The following C11orf58 variants were observed in gnomAD, a reference collection of about 807,000 sequenced individuals.
The protein encoded by C11orf58 is chromosome 11 open reading frame 58.
Under a neutral mutation model 22.7 loss-of-function variants are expected in C11orf58, and 5 were observed. That is an observed-to-expected ratio of 0.22 (90% CI 0.12 to 0.46). The LOEUF is 0.46. Ranked by LOEUF, C11orf58 falls within the 20% of genes least tolerant of loss-of-function variation. C11orf58 has a pLI of 0.99. For missense variants in C11orf58, 151 were observed against 223.3 expected, an observed-to-expected ratio of 0.68 and a Z score of 2.06; for synonymous variants, 71 against 70.7, an observed-to-expected ratio of 1.00 and a Z score of -0.02.
chr11:16,748,640 G>A, intron 3 of C11orf58: 1 of 151,932 alleles, frequency 6.6e-6, no homozygotes, highest in East Asian at 1.9e-4. Context: ...AGCTGCTTGG[G>A]AGGCTGAGGC....
Position 16,755,266 on chromosome 11 carries a change from T to A in C11orf58, c.*162T>A. ...TTTCAAATGCCATGGGTTACACTTT[T>A]ATGGGCATGACTATAACCATTTTTG... On this transcript the variant is annotated 3_prime_UTR_variant, in exon 5 of 5. Transcript: ENST00000228136. 2 of 792,536 alleles carry A rather than the reference T, an allele frequency of 2.5e-6. No individual in the cohort carries two copies. Among genetic ancestry groups the A allele is most frequent in the East Asian group, 5.1e-5 (2 of 39,320 alleles). 49.1% of individuals were successfully genotyped at this position (792,536 alleles called of 1,614,324 possible).
At position 16,744,255 on chromosome 11, in the gene C11orf58, G is replaced by A. The variant is rs181600985; in HGVS notation, c.64-346G>A. On this transcript the variant is annotated intron_variant, in intron 1 of 4. Coordinates refer to ENST00000228136, the MANE Select transcript of C11orf58 (RefSeq NM_014267.6). ...ATAAATAGCATCAGCAATCATTTAA[G>A]AATTTGTTGAAATTCAAATCCTAGA... 15 of 205,718 alleles carry A rather than the reference G, an allele frequency of 7.3e-5. No homozygotes were observed. The East Asian group carries it at 1.9e-3, about 26-fold the overall frequency. The allele number at this position is 205,718 out of a possible 1,614,324, so 12.7% of individuals were successfully genotyped here. A position where few individuals can be genotyped will look rare whatever the true frequency, so the allele number is the denominator to read the frequency against.
chr11:16,751,049 CAG>C (rs1158419104), intron 3 of C11orf58: 1 of 152,212 alleles, frequency 6.6e-6, no homozygotes, highest in Non-Finnish European at 1.5e-5. Context: ...AAGATAGACA[CAG>C]AGCACACGTC....
intron 4 of C11orf58, among the ~76,000 whole-genome samples, chr11:16,753,125 A>C (rs1351155028): frequency 6.6e-6 from 1 of 152,028 alleles, no homozygotes; most frequent in African/African-American, 2.4e-5. Context: ...ATGCAGTCTC[A>C]CTGTCACCAG....
intron 4 of C11orf58, among the ~76,000 whole-genome samples, chr11:16,753,564 T>C (rs1848550320): frequency 6.6e-6 from 1 of 151,944 alleles, no homozygotes; most frequent in African/African-American, 2.4e-5. Flanking sequence ...GGTTTCACCA[T>C]GTTGCCCAGG....
intron 3 of C11orf58, chr11:16,750,338 C>T (rs1005693934): frequency 2.0e-5 from 3 of 152,158 alleles, no homozygotes; most frequent in African/African-American, 7.2e-5. Context: ...AAATCGTGAA[C>T]GCAAAGAACA....
intron 2 of C11orf58, among the ~76,000 whole-genome samples, chr11:16,745,811 A>G (rs1189289882): frequency 2.0e-5 from 3 of 152,256 alleles, no homozygotes; most frequent in Non-Finnish European, 4.4e-5. Flanking sequence ...TTTTCCTAAC[A>G]TTGTCCTAAC....
At chr11:16,740,063 C>T (rs543187136) in intron 1 of C11orf58, among the ~76,000 whole-genome samples, 87 of 152,278 alleles carry the variant, frequency 5.7e-4, no homozygotes, top group Non-Finnish European at 9.7e-4. Context: ...TTTATTCTTG[C>T]TCTCTGTTAT....
chr11:16,744,885 C>T (rs77167393), intron 2 of C11orf58, among the ~76,000 whole-genome samples: 10 of 152,100 alleles, frequency 6.6e-5, no homozygotes, highest in East Asian at 3.9e-4. Flanking sequence ...ATTCTCTGTC[C>T]GTATAGTTTG....
At chr11:16,739,114 A>G (rs753276325) in intron 1 of C11orf58, among the ~76,000 whole-genome samples, 3 of 152,086 alleles carry the variant, frequency 2.0e-5, no homozygotes, top group Non-Finnish European at 4.4e-5. Context: ...AGCTTAGTCA[A>G]GGGATTTCGT....
chr11:16,741,094 T>TA (rs10634210), intron 1 of C11orf58, among the ~76,000 whole-genome samples: 40,847 of 138,956 alleles, frequency 0.29, 6,560 homozygotes, highest in East Asian at 0.47. Flanking sequence ...AGACTCTGTT[T>TA]AAAAAAAAAA....
intron 2 of C11orf58, chr11:16,747,070 G>A (rs1292857230): frequency 1.3e-5 from 2 of 152,208 alleles, no homozygotes; most frequent in Non-Finnish European, 2.9e-5. Context: ...TTGGTCACAG[G>A]AAGAACCAGC....
chr11:16,755,745 A>G lies in C11orf58; in HGVS notation c.*641A>G, dbSNP rs1204109208. 2 of 152,642 alleles carry G rather than the reference A, an allele frequency of 1.3e-5. No individual in the cohort carries two copies. The highest frequency in any genetic ancestry group is 3.8e-4 in the East Asian group (2 of 5,200). The allele number at this position is 152,642 out of a possible 1,614,324, so 9.5% of individuals were successfully genotyped here. On this transcript the variant is annotated 3_prime_UTR_variant, in exon 5 of 5. Transcript: ENST00000228136. ...GATTGTATCGTATGTTAGATTTTTG[A>G]TAAAATTTGGCCAATTTTTACAGAA...
chr11:16,744,808 G>A, intron 2 of C11orf58, 124 bp downstream of exon 2: 1 of 890,190 alleles, frequency 1.1e-6, no homozygotes, highest in Non-Finnish European at 1.7e-6. Context: ...ATTTCTTTTG[G>A]CTTTGGGAAA....
intron 1 of C11orf58, among the ~76,000 whole-genome samples, chr11:16,742,871 C>T (rs1384177756): frequency 6.6e-6 from 1 of 152,070 alleles, no homozygotes; most frequent in Non-Finnish European, 1.5e-5. Flanking sequence ...TTCCAGGACC[C>T]ACCCACCTCT....
At position 16,756,408 on chromosome 11, in the gene C11orf58, TAC is replaced by T. The variant is rs1249498994; in HGVS notation, c.*1306_*1307del. On this transcript the variant is annotated 3_prime_UTR_variant, in exon 5 of 5. Transcript: ENST00000228136. ...CCTCAGCCTCCCAAGTAGTTGGGAC[TAC>T]AGTCATGTGCCACTACTCCTGGCTA... 1 of 151,704 alleles carries T rather than the reference TAC, an allele frequency of 6.6e-6. No individual in the cohort carries two copies. The highest frequency in any genetic ancestry group is 2.4e-5 in the African/African-American group (1 of 41,264). 9.4% of individuals were successfully genotyped at this position (151,704 alleles called of 1,614,324 possible).
chr11:16,745,274 AGAAGGTACAGTT>A (rs1848479008), intron 2 of C11orf58, among the ~76,000 whole-genome samples: 1 of 152,202 alleles, frequency 6.6e-6, no homozygotes, highest in Non-Finnish European at 1.5e-5. Context: ...TAACGTTAAT[AGAAGGTACAGTT>A]GACCCTTGAG....
rs6677 is a variant in C11orf58 at position 16,755,585 on chromosome 11, T to G, written c.*481T>G. On this transcript the variant is annotated 3_prime_UTR_variant, in exon 5 of 5. Transcript: ENST00000228136. ...TTGGCAAAAGATTGGGTACTTAGTT[T>G]CCTGTTACTGAGTTAGCTCTACTCT... 47,753 of 153,662 alleles carry G rather than the reference T, an allele frequency of 0.31. 8,930 individuals carry two copies. The highest frequency in any genetic ancestry group is 0.42 in the Non-Finnish European group (28,849 of 68,986). 9.5% of individuals were successfully genotyped at this position (153,662 alleles called of 1,614,324 possible).
At chr11:16,753,735 CCTTT>C in intron 4 of C11orf58, 2 of 393,888 alleles carry the variant, frequency 5.1e-6, no homozygotes, top group East Asian at 7.2e-5. Context: ...CATTAGAGTA[CCTTT>C]CTTTCCCCCT....
Sources: allele counts gnomAD v4.1 joint callset (sites outside exome capture counted in the v4.1 genomes callset), GRCh38; gene constraint gnomAD v4.1.1; transcripts MANE v1.5; gene names NCBI Gene and HGNC (gene_info 2026-07-23, HGNC 2026-07-21).